The following XRRA1 variants were observed in gnomAD, a reference collection of about 807,000 sequenced individuals.
XRRA1 encodes X-ray radiation resistance-associated protein 1.
XRRA1 carries 69 observed loss-of-function variants against 80.2 expected under a neutral mutation model. That is an observed-to-expected ratio of 0.86 (90% CI 0.71 to 1.05). XRRA1 has a LOEUF of 1.05. XRRA1 is among the 50% of genes least tolerant of loss of function. The pLI, the probability that XRRA1 is intolerant of heterozygous loss-of-function variation, is 0.00. For missense variants in XRRA1, 967 were observed against 976.4 expected (o/e 0.99, Z 0.13); for synonymous variants, 348 against 389.9 (o/e 0.89, Z 1.27).
intron 8 of XRRA1, chr11:74,919,853 C>A: frequency 2.4e-6 from 1 of 415,210 alleles, no homozygotes; most frequent in South Asian, 2.1e-5. Context: ...GTGCAGTTGT[C>A]CAGAGAATAT....
At chr11:74,917,388 G>T (rs1199372901) in intron 8 of XRRA1, among the ~76,000 whole-genome samples, 1 of 151,680 alleles carries the variant, frequency 6.6e-6, no homozygotes, top group Non-Finnish European at 1.5e-5. Flanking sequence ...TCCCCTGGAA[G>T]ACGTAAACTT....
rs776108952 is a variant in XRRA1, at chr11:74,906,454, A to G, written c.788T>C (p.Leu263Pro). Reference protein sequence around the residue: ...CFASLAGLRRLKKLSLDENRI... With the variant: ...CFASLAGLRRPKKLSLDENRI... ...GTTTTCATCCAAGCTTAACTTCTTC[A>G]GTCTTCAATTAAGGAAAGTGAATAT... is the stretch of plus-strand genomic sequence containing the variant. Residue 263 changes from leucine (L) to proline (P), a missense_variant and splice_region_variant, in exon 10 of 19, where the codon CTG (leucine) becomes CCG (proline). Physicochemically the swap from Leu to Pro is moderately conservative, Grantham distance 98 (BLOSUM62 -3). Coordinates refer to ENST00000684022, the MANE Select transcript of XRRA1 (RefSeq NM_001378157.1). 1.9e-6 allele frequency: 3 copies of G among 1,613,784 alleles called. No individual in the cohort carries two copies. The highest frequency in any genetic ancestry group is 2.5e-6 in the Non-Finnish European group (3 of 1,179,816).
At chr11:74,893,009 G>C (rs1213951731) in intron 10 of XRRA1, among the ~76,000 whole-genome samples, 2 of 152,102 alleles carry the variant, frequency 1.3e-5, no homozygotes, top group Non-Finnish European at 2.9e-5. Context: ...AATTCCTCAG[G>C]GATCTAGAAC....
intron 10 of XRRA1, among the ~76,000 whole-genome samples, chr11:74,879,747 G>A (rs1305295421): frequency 6.8e-6 from 1 of 147,662 alleles, no homozygotes; most frequent in Non-Finnish European, 1.5e-5. Flanking sequence ...CTTTGGCTCT[G>A]TTTATATGCT....
At chr11:74,924,183 GAGTA>G (rs892696726) in intron 7 of XRRA1, among the ~76,000 whole-genome samples, 11 of 149,716 alleles carry the variant, frequency 7.3e-5, no homozygotes, top group African/African-American at 2.4e-4. Flanking sequence ...TAAAAAAAAA[GAGTA>G]AGAGTGGGCC....
chr11:74,938,500 AC>A (rs111652060), intron 3 of XRRA1, among the ~76,000 whole-genome samples: 2 of 152,342 alleles, frequency 1.3e-5, no homozygotes, highest in African/African-American at 4.8e-5. Flanking sequence ...TTCTCATCAT[AC>A]TTTTACCCAC....
At chr11:74,936,050 C>T (rs894528987) in intron 4 of XRRA1, among the ~76,000 whole-genome samples, 2 of 152,212 alleles carry the variant, frequency 1.3e-5, no homozygotes, top group African/African-American at 4.8e-5. Context: ...ACAAAGTTCT[C>T]TTTCAACATC....
intron 10 of XRRA1, among the ~76,000 whole-genome samples, chr11:74,897,366 C>T (rs2052571307): frequency 6.6e-6 from 1 of 151,738 alleles, no homozygotes; most frequent in Non-Finnish European, 1.5e-5. Flanking sequence ...CCTACCAGAT[C>T]CAGAAAATAG....
At chr11:74,909,431 A>C (rs915713385) in intron 8 of XRRA1, among the ~76,000 whole-genome samples, 4 of 152,242 alleles carry the variant, frequency 2.6e-5, no homozygotes, top group African/African-American at 9.6e-5. Context: ...GAAACAGCTA[A>C]GAAATAAGCC....
At chr11:74,866,751 CAG>C (rs1191083287) in intron 10 of XRRA1, among the ~76,000 whole-genome samples, 3 of 148,972 alleles carry the variant, frequency 2.0e-5, no homozygotes, top group Admixed American at 6.7e-5. Context: ...ATTAATCAAA[CAG>C]AGGAATCAGT....
chr11:74,859,196 A>G lies in XRRA1; in HGVS notation c.1132T>C (p.Phe378Leu). Residue 378 changes from phenylalanine (F) to leucine (L), a missense_variant, in exon 12 of 19, where the codon TTC becomes CTC. Phe to Leu is a conservative substitution (Grantham distance 22, BLOSUM62 0). Coordinates refer to ENST00000684022, the MANE Select transcript of XRRA1 (RefSeq NM_001378157.1). ...KARNQTLAPP[F>L]PELRYLSLAY... ...AGGCTAAGGTATCTCAGCTCTGGGAAGGGTGGGGCCAGCGTCTGGTTCCTG... is the reference window on the plus strand; with the variant it reads ...AGGCTAAGGTATCTCAGCTCTGGGAGGGGTGGGGCCAGCGTCTGGTTCCTG... 3 of 1,609,428 alleles carry G rather than the reference A, an allele frequency of 1.9e-6. No homozygotes were observed. The highest frequency in any genetic ancestry group is 2.5e-6 in the Non-Finnish European group (3 of 1,178,236).
chr11:74,884,640 A>G (rs778538480), intron 10 of XRRA1, among the ~76,000 whole-genome samples: 9 of 152,148 alleles, frequency 5.9e-5, no homozygotes, highest in Non-Finnish European at 8.8e-5. Context: ...TCTTTCACCT[A>G]TTAAACTTAC....
At position 74,843,893 on chromosome 11, in the gene XRRA1, G is replaced by A. The variant is rs750458924; in HGVS notation, c.2110C>T (p.Arg704Cys). ...RAQLLDDIFI[R>C]LRDPRNITEA... ...GTAATGTTCCGGGGATCCCGCAAGC[G>A]AATGAAGATGTCATCCAGAAGTTGG... The change falls in exon 18 of 19, where the codon CGC becomes TGC. Residue 704 changes from arginine (R) to cysteine (C), a missense_variant. Transcript: ENST00000684022. 8 of 1,613,002 alleles carry A rather than the reference G, an allele frequency of 5.0e-6. No homozygotes were observed. Among genetic ancestry groups the A allele is most frequent in the African/African-American group, 2.7e-5 (2 of 74,910 alleles).
intron 10 of XRRA1, among the ~76,000 whole-genome samples, chr11:74,893,500 A>G (rs1228842411): frequency 2.0e-5 from 3 of 152,150 alleles, no homozygotes; most frequent in African/African-American, 7.2e-5. Context: ...ACATGTATAT[A>G]TATGTAACTA....
intron 5 of XRRA1, among the ~76,000 whole-genome samples, chr11:74,931,172 G>T (rs1222186383): frequency 1.3e-5 from 2 of 150,704 alleles, no homozygotes; most frequent in African/African-American, 2.4e-5. Flanking sequence ...TATAATGCTA[G>T]ATACAGGTAG....
intron 4 of XRRA1, among the ~76,000 whole-genome samples, chr11:74,935,817 C>T (rs574964525): frequency 6.6e-5 from 10 of 152,136 alleles, no homozygotes; most frequent in Non-Finnish European, 1.0e-4. Context: ...CTGTCTCCCA[C>T]GGTGGCAAGA....
chr11:74,926,554 T>A (rs920194932), intron 7 of XRRA1, among the ~76,000 whole-genome samples: 3 of 152,204 alleles, frequency 2.0e-5, no homozygotes, highest in African/African-American at 7.2e-5. Context: ...CCCACACACG[T>A]GGCTCCACCT....
chr11:74,889,378 C>CG (rs1263572905), intron 10 of XRRA1, among the ~76,000 whole-genome samples: 3 of 152,182 alleles, frequency 2.0e-5, no homozygotes, highest in Non-Finnish European at 4.4e-5. Flanking sequence ...ACCACCAGGC[C>CG]TGCCTAAAAG....
intron 10 of XRRA1, among the ~76,000 whole-genome samples, chr11:74,886,664 T>C (rs1337479928): frequency 6.6e-6 from 1 of 152,176 alleles, no homozygotes; most frequent in African/African-American, 2.4e-5. Flanking sequence ...GATTCAATGC[T>C]ATTCCTATCA....
Sources: gnomAD v4.1 joint callset for allele counts (sites outside exome capture counted in the v4.1 genomes callset) on GRCh38, gnomAD v4.1.1 for gene constraint, MANE v1.5 for transcripts, NCBI Gene and HGNC (gene_info 2026-07-23, HGNC 2026-07-21) for gene names.